Variants in RIT2 observed in about 807,000 individuals in gnomAD.
The protein encoded by RIT2 is GTP-binding protein Rit2.
Under a neutral mutation model 23.7 loss-of-function variants are expected in RIT2, and 24 were observed. The ratio of observed to expected loss-of-function variants is 1.01; its 90% confidence interval spans 0.73 to 1.43. RIT2 has a LOEUF of 1.43. Ranked by LOEUF, RIT2 falls within the 40% of genes most tolerant of loss-of-function variation. The pLI, the probability that RIT2 is intolerant of heterozygous loss-of-function variation, is 0.00. For missense variants in RIT2, 236 were observed against 266.9 expected, an observed-to-expected ratio of 0.88 and a Z score of 0.81; for synonymous variants, 107 against 91.1, an observed-to-expected ratio of 1.17 and a Z score of -0.99.
At chr18:43,042,097 CT>C (rs1012203710) in intron 1 of RIT2, among the ~76,000 whole-genome samples, 1 of 152,104 alleles carries the variant, frequency 6.6e-6, no homozygotes, top group African/African-American at 2.4e-5. Flanking sequence ...ACTGCTTTCC[CT>C]TTGAGAATTG....
At chr18:42,833,031 G>GTGAC (rs1906503056) in intron 4 of RIT2, among the ~76,000 whole-genome samples, 1 of 142,240 alleles carries the variant, frequency 7.0e-6, no homozygotes, top group Non-Finnish European at 1.5e-5. Flanking sequence ...TCCAGCCTGG[G>GTGAC]TGACTGAGTG....
At chr18:43,081,184 TA>T (rs1446973288) in intron 1 of RIT2, among the ~76,000 whole-genome samples, 2 of 152,210 alleles carry the variant, frequency 1.3e-5, no homozygotes, top group Non-Finnish European at 2.9e-5. Flanking sequence ...TAAAAAGGCC[TA>T]AAAATATTTT....
chr18:42,881,559 G>C (rs1471636205), intron 4 of RIT2, among the ~76,000 whole-genome samples: 1 of 152,042 alleles, frequency 6.6e-6, no homozygotes, highest in Non-Finnish European at 1.5e-5. Context: ...TCTCCTTTCT[G>C]TATGCATGAG....
intron 2 of RIT2, among the ~76,000 whole-genome samples, chr18:43,000,648 C>T (rs550998897): frequency 6.6e-6 from 1 of 151,972 alleles, no homozygotes; most frequent in African/African-American, 2.4e-5. Flanking sequence ...AGGTGGTTCC[C>T]CTATGCTGTT....
At chr18:42,774,381 G>A (rs1323869174) in intron 4 of RIT2, among the ~76,000 whole-genome samples, 2 of 151,912 alleles carry the variant, frequency 1.3e-5, no homozygotes, top group Non-Finnish European at 1.5e-5. Flanking sequence ...AACCATGAGG[G>A]GTAAATCCGT....
At chr18:42,857,667 G>C (rs1907221488) in intron 4 of RIT2, among the ~76,000 whole-genome samples, 1 of 152,174 alleles carries the variant, frequency 6.6e-6, no homozygotes, top group South Asian at 2.1e-4. Flanking sequence ...CACAAAGTAA[G>C]AATTGTACAA....
chr18:43,063,942 T>C (rs139379180), intron 1 of RIT2, among the ~76,000 whole-genome samples: 76 of 152,228 alleles, frequency 5.0e-4, no homozygotes, highest in Middle Eastern at 6.8e-3. Context: ...TGTCTTAAAA[T>C]GAAAGACATG....
intron 2 of RIT2, among the ~76,000 whole-genome samples, chr18:42,990,699 C>G (rs1042187742): frequency 6.6e-6 from 1 of 152,328 alleles, no homozygotes; most frequent in African/African-American, 2.4e-5. Flanking sequence ...TTACTTTCTT[C>G]TCACATTGTG....
At chr18:42,968,778 C>A (rs1910295819) in intron 3 of RIT2, among the ~76,000 whole-genome samples, 1 of 152,012 alleles carries the variant, frequency 6.6e-6, no homozygotes, top group African/African-American at 2.4e-5. Context: ...TAGGTAATAC[C>A]AGCATGGAGT....
At chr18:42,965,263 T>C (rs1203859624) in intron 3 of RIT2, among the ~76,000 whole-genome samples, 1 of 152,178 alleles carries the variant, frequency 6.6e-6, no homozygotes, top group African/African-American at 2.4e-5. Context: ...GTTTTAAGAA[T>C]GGGAAGAAAG....
intron 2 of RIT2, among the ~76,000 whole-genome samples, chr18:43,009,649 T>C (rs920805204): frequency 2.6e-5 from 4 of 151,698 alleles, no homozygotes; most frequent in African/African-American, 9.7e-5. Context: ...CTTTTCTGCA[T>C]CATTGGATGC....
At chr18:42,985,453 T>G (rs1472581389) in intron 2 of RIT2, among the ~76,000 whole-genome samples, 1 of 152,152 alleles carries the variant, frequency 6.6e-6, no homozygotes, top group African/African-American at 2.4e-5. Context: ...AAGACTTTGT[T>G]TAGAAAATCT....
intron 1 of RIT2, among the ~76,000 whole-genome samples, chr18:43,054,760 T>C (rs1912459877): frequency 6.6e-6 from 1 of 152,056 alleles, no homozygotes; most frequent in Non-Finnish European, 1.5e-5. Flanking sequence ...TCATTGTAAA[T>C]TGGCCATTCT....
chr18:42,984,261 A>G (rs1243797104), intron 2 of RIT2, among the ~76,000 whole-genome samples: 1 of 152,100 alleles, frequency 6.6e-6, no homozygotes, highest in Non-Finnish European at 1.5e-5. Context: ...TACAGGCAAT[A>G]AAGTGTGTGC....
intron 4 of RIT2, among the ~76,000 whole-genome samples, chr18:42,803,619 GGGTTTCCTT>G (rs1376682339): frequency 6.6e-6 from 1 of 152,086 alleles, no homozygotes; most frequent in Non-Finnish European, 1.5e-5. Context: ...TAGGATGCAG[GGGTTTCCTT>G]GGCAACTCCA....
At position 42,810,058 on chromosome 18, in the gene RIT2, TTA is replaced by T. The variant is rs545827793; in HGVS notation, c.427-66340_427-66339del. ...ATATAAGTTACATATGTTATATATG[TTA>T]TATATATGTTATACATAACATATAT... On this transcript the variant is annotated intron_variant, in intron 4 of 4. Transcript: ENST00000326695. Among the ~76,000 whole-genome samples, 578 of 147,284 alleles carry T rather than the reference TTA, an allele frequency of 3.9e-3. 7 individuals are homozygous for T. The highest frequency in any genetic ancestry group is 0.013 in the African/African-American group (544 of 40,624).
chr18:43,024,783 A>G (rs1312742039), intron 2 of RIT2, among the ~76,000 whole-genome samples: 1 of 151,986 alleles, frequency 6.6e-6, no homozygotes, highest in Non-Finnish European at 1.5e-5. Flanking sequence ...ACATAAAAAG[A>G]CTTTTTTTTT....
intron 4 of RIT2, among the ~76,000 whole-genome samples, chr18:42,880,478 CTTTTG>C (rs751923867): frequency 6.6e-6 from 1 of 152,072 alleles, no homozygotes; most frequent in Non-Finnish European, 1.5e-5. Flanking sequence ...ACTGTTGAAA[CTTTTG>C]TTTTGTTTTG....
intron 4 of RIT2, among the ~76,000 whole-genome samples, chr18:42,845,798 T>A (rs1464758548): frequency 6.6e-6 from 1 of 151,712 alleles, no homozygotes; most frequent in Non-Finnish European, 1.5e-5. Flanking sequence ...AACACTTCTA[T>A]AAAAAAGTAT....
Sources: gnomAD v4.1 joint callset for allele counts (sites outside exome capture counted in the v4.1 genomes callset) on GRCh38, gnomAD v4.1.1 for gene constraint, MANE v1.5 for transcripts, NCBI Gene and HGNC (gene_info 2026-07-23, HGNC 2026-07-21) for gene names.